The following BRINP3 variants were observed in gnomAD, a reference collection of about 807,000 sequenced individuals.
BRINP3 encodes the protein BMP/retinoic acid inducible neural specific 3.
A neutral mutation model predicts 71.0 loss-of-function variants in BRINP3; 19 were observed. That is an observed-to-expected ratio of 0.27 (90% CI 0.19 to 0.39). The LOEUF (loss-of-function observed/expected upper bound fraction) is 0.39. BRINP3 is among the 10% of genes least tolerant of loss of function. BRINP3 has a pLI of 1.00. For missense variants in BRINP3, 959 were observed against 940.8 expected, an observed-to-expected ratio of 1.02 and a Z score of -0.25; for synonymous variants, 380 against 337.7, an observed-to-expected ratio of 1.13 and a Z score of -1.37.
At chr1:190,199,312 C>T (rs1340676724) in intron 6 of BRINP3, among the ~76,000 whole-genome samples, 1 of 151,974 alleles carries the variant, frequency 6.6e-6, no homozygotes, top group Non-Finnish European at 1.5e-5. Context: ...ATCTCTTTGC[C>T]CTGGTTGTAT....
intron 4 of BRINP3, among the ~76,000 whole-genome samples, chr1:190,238,291 T>A (rs1658718025): frequency 6.6e-6 from 1 of 152,018 alleles, no homozygotes; most frequent in Non-Finnish European, 1.5e-5. Flanking sequence ...AATATAAGAA[T>A]TGATACTTAT....
At chr1:190,143,919 CA>C (rs1416401275) in intron 7 of BRINP3, among the ~76,000 whole-genome samples, 4 of 152,200 alleles carry the variant, frequency 2.6e-5, no homozygotes, top group Admixed American at 6.5e-5. Flanking sequence ...ATAATTTTAT[CA>C]AATAATATGA....
chr1:190,402,978 C>T (rs1032835054), intron 2 of BRINP3, among the ~76,000 whole-genome samples: 8 of 152,150 alleles, frequency 5.3e-5, no homozygotes, highest in Non-Finnish European at 1.0e-4. Flanking sequence ...CTGCCCACCT[C>T]GGCCTCCCAA....
intron 2 of BRINP3, among the ~76,000 whole-genome samples, chr1:190,343,443 T>C (rs1667801822): frequency 6.6e-6 from 1 of 151,776 alleles, no homozygotes; most frequent in Non-Finnish European, 1.5e-5. Flanking sequence ...CTTGGGAAAG[T>C]CAGTTATCCT....
At chr1:190,238,038 A>T (rs1658693619) in intron 4 of BRINP3, among the ~76,000 whole-genome samples, 1 of 152,066 alleles carries the variant, frequency 6.6e-6, no homozygotes, top group South Asian at 2.1e-4. Flanking sequence ...GGGAGTAGTG[A>T]AATTTGTTAC....
At chr1:190,378,767 G>T (rs1369543926) in intron 2 of BRINP3, among the ~76,000 whole-genome samples, 2 of 152,118 alleles carry the variant, frequency 1.3e-5, no homozygotes, top group Non-Finnish European at 2.9e-5. Flanking sequence ...CCCCTCCAAT[G>T]CAACAGTGAG....
chr1:190,401,376 CAAAAAAAAAAA>C (rs762938571), intron 2 of BRINP3, among the ~76,000 whole-genome samples: 2 of 89,372 alleles, frequency 2.2e-5, no homozygotes, highest in South Asian at 4.0e-4. Flanking sequence ...CATCTCAAAA[CAAAAAAAAAAA>C]AAAAAAAAAA....
intron 4 of BRINP3, among the ~76,000 whole-genome samples, chr1:190,254,804 A>T (rs909285503): frequency 1.3e-5 from 2 of 152,108 alleles, no homozygotes; most frequent in Non-Finnish European, 2.9e-5. Flanking sequence ...AAATTCCAAC[A>T]CTAAGTTGAA....
chr1:190,277,799 A>G (rs1343766956), intron 3 of BRINP3, among the ~76,000 whole-genome samples: 3 of 151,756 alleles, frequency 2.0e-5, no homozygotes, highest in Non-Finnish European at 4.4e-5. Context: ...AGTCTTTTTC[A>G]AGATTGATTC....
rs560292208 is a variant in BRINP3, at chr1:190,308,780, C to T, written c.237-27030G>A. The stretch of plus-strand genomic sequence containing the variant: ...AAGAAAGATATTAACAAAGGTTAGA[C>T]TTTATAGCATTGCCATATGTTAAAA... On this transcript the variant is annotated intron_variant, in intron 2 of 7. Coordinates refer to ENST00000367462, the MANE Select transcript of BRINP3 (RefSeq NM_199051.3). Among the ~76,000 whole-genome samples, 5 of 152,026 alleles carry T rather than the reference C, an allele frequency of 3.3e-5. No homozygotes were observed. In the East Asian group the frequency reaches 9.7e-4, roughly 29 times the overall value.
At chr1:190,350,808 A>G (rs1354738183) in intron 2 of BRINP3, among the ~76,000 whole-genome samples, 1 of 147,210 alleles carries the variant, frequency 6.8e-6, no homozygotes, top group African/African-American at 2.5e-5. Context: ...GCCAGAATCA[A>G]TCAAGTTCAC....
chr1:190,292,131 A>G (rs1355505319), intron 2 of BRINP3, among the ~76,000 whole-genome samples: 2 of 152,114 alleles, frequency 1.3e-5, no homozygotes, highest in Non-Finnish European at 2.9e-5. Flanking sequence ...ACTGGTAGCT[A>G]CCAGAGGATG....
intron 3 of BRINP3, among the ~76,000 whole-genome samples, chr1:190,279,129 C>CA: frequency 6.6e-6 from 1 of 151,790 alleles, no homozygotes; most frequent in East Asian, 1.9e-4. Context: ...GTATGTGTTT[C>CA]AAAATCACTG....
chr1:190,170,417 G>A (rs815331), intron 6 of BRINP3, among the ~76,000 whole-genome samples: 20,371 of 151,846 alleles, frequency 0.13, 1,581 homozygotes, highest in African/African-American at 0.21. Flanking sequence ...CTTAAATGTC[G>A]TAACCAATTA....
intron 2 of BRINP3, among the ~76,000 whole-genome samples, chr1:190,293,532 T>A (rs1558152547): frequency 6.6e-6 from 1 of 152,198 alleles, no homozygotes; most frequent in Non-Finnish European, 1.5e-5. Flanking sequence ...GTCAGCTTGA[T>A]CCATTTGGTC....
chr1:190,430,165 T>C (rs757125995), intron 2 of BRINP3, among the ~76,000 whole-genome samples: 2 of 152,186 alleles, frequency 1.3e-5, no homozygotes, highest in Non-Finnish European at 2.9e-5. Flanking sequence ...AATTTGACTT[T>C]TACCAGAGGT....
rs764813704 is a variant in BRINP3, at chr1:190,281,716, C to G, written c.271G>C (p.Val91Leu). 5.0e-6 allele frequency: 8 copies of G among 1,612,186 alleles called. No individual in the cohort carries two copies. The highest frequency in any genetic ancestry group is 6.8e-6 in the Non-Finnish European group (8 of 1,179,140). The stretch of plus-strand genomic sequence containing the variant: ...GAGCCAAGGAAATTTCTTCTCTCAA[C>G]TGCAAGGTTATTTACTTTCCAGCGG... Reference protein sequence around the residue: ...FGRWKVNNLAVERRNFLGSPL... With the variant: ...FGRWKVNNLALERRNFLGSPL... The change falls in exon 3 of 8, where the codon GTT becomes CTT. Residue 91 changes from valine to leucine, a missense_variant. Coordinates refer to ENST00000367462, the MANE Select transcript of BRINP3 (RefSeq NM_199051.3).
intron 7 of BRINP3, among the ~76,000 whole-genome samples, chr1:190,125,525 T>C (rs1313298443): frequency 6.6e-6 from 1 of 151,948 alleles, no homozygotes; most frequent in Non-Finnish European, 1.5e-5. Flanking sequence ...AGCAGTGAGA[T>C]TGAGATAGCT....
At chr1:190,351,880 A>T (rs971777117) in intron 2 of BRINP3, among the ~76,000 whole-genome samples, 3 of 152,138 alleles carry the variant, frequency 2.0e-5, no homozygotes. Flanking sequence ...CAACTAAATT[A>T]TCTTTATTAT....
Sources: gnomAD v4.1 joint callset for allele counts (sites outside exome capture counted in the v4.1 genomes callset) on GRCh38, gnomAD v4.1.1 for gene constraint, MANE v1.5 for transcripts, NCBI Gene and HGNC (gene_info 2026-07-23, HGNC 2026-07-21) for gene names.